The following DCC variants were observed in gnomAD, a reference collection of about 807,000 sequenced individuals.
DCC encodes netrin receptor DCC.
In DCC, 58 loss-of-function variants were observed where a neutral mutation model predicts 172.5. That is an observed-to-expected ratio of 0.34 (90% CI 0.27 to 0.42). DCC has a LOEUF of 0.42. Ranked by LOEUF, DCC falls within the 10% of genes least tolerant of loss-of-function variation. The pLI, the probability that DCC is intolerant of heterozygous loss-of-function variation, is 1.00. For synonymous variants in DCC, 709 were observed against 644.5 expected (o/e 1.10, Z -1.52); for missense variants, 1,740 against 1,791.0 (o/e 0.97, Z 0.51).
At chr18:52,891,843 T>C (rs1047952464) in intron 2 of DCC, among the ~76,000 whole-genome samples, 11 of 152,102 alleles carry the variant, frequency 7.2e-5, no homozygotes, top group Admixed American at 7.2e-4. Context: ...CCTTGACTGC[T>C]GTTAAGTTTC....
intron 1 of DCC, among the ~76,000 whole-genome samples, chr18:52,695,113 G>T (rs376356920): frequency 6.6e-5 from 10 of 152,088 alleles, no homozygotes; most frequent in African/African-American, 2.4e-4. Flanking sequence ...AATTTCGTAG[G>T]TCTCTTTTCT....
chr18:53,015,984 T>A (rs2041803307), intron 5 of DCC, among the ~76,000 whole-genome samples: 1 of 152,264 alleles, frequency 6.6e-6, no homozygotes, highest in Non-Finnish European at 1.5e-5. Context: ...AGTATAAGAA[T>A]CCACATAATC....
intron 1 of DCC, among the ~76,000 whole-genome samples, chr18:52,453,771 C>A (rs907659770): frequency 6.6e-6 from 1 of 151,946 alleles, no homozygotes; most frequent in African/African-American, 2.4e-5. Flanking sequence ...TCATGATAAA[C>A]GGATTTGTCT....
At chr18:52,548,700 A>G (rs1301573322) in intron 1 of DCC, among the ~76,000 whole-genome samples, 1 of 152,116 alleles carries the variant, frequency 6.6e-6, no homozygotes, top group African/African-American at 2.4e-5. Context: ...CCCAGCCTGG[A>G]GATCCTGAGA....
At chr18:53,529,869 C>T (rs1477981947) in intron 28 of DCC, among the ~76,000 whole-genome samples, 1 of 152,140 alleles carries the variant, frequency 6.6e-6, no homozygotes, top group East Asian at 1.9e-4. Context: ...GAATTAGTGA[C>T]AGTTCACTAG....
chr18:52,786,611 G>A (rs947471066), intron 2 of DCC, among the ~76,000 whole-genome samples: 2 of 152,084 alleles, frequency 1.3e-5, no homozygotes, highest in Non-Finnish European at 1.5e-5. Flanking sequence ...GTTCCACAAG[G>A]AATCTTAGAT....
rs138103328 is a variant in DCC, at chr18:52,975,457, C to T, written c.985+50087C>T. ...GGTTGTTGTACTGATTATTTCATCA[C>T]AGCTATTAAGACTGATACCCATTAG... On this transcript the variant is annotated intron_variant, in intron 5 of 28. Transcript: ENST00000442544. 7.2e-5 allele frequency among the ~76,000 whole-genome samples: 11 copies of T among 152,278 alleles called. No homozygotes were observed. In the East Asian group the frequency reaches 7.7e-4, roughly 11 times the overall value.
intron 2 of DCC, among the ~76,000 whole-genome samples, chr18:52,905,716 G>A (rs988153226): frequency 1.3e-5 from 2 of 152,188 alleles, no homozygotes; most frequent in Non-Finnish European, 2.9e-5. Flanking sequence ...GAACTCCAAT[G>A]TGGGATTTCA....
chr18:52,908,349 G>T (rs759538656), intron 3 of DCC, among the ~76,000 whole-genome samples: 20 of 152,062 alleles, frequency 1.3e-4, no homozygotes, highest in Non-Finnish European at 2.6e-4. Context: ...CATCCGCTAG[G>T]CAATGACAGA....
chr18:52,499,371 T>C (rs1327014080), intron 1 of DCC, among the ~76,000 whole-genome samples: 1 of 152,174 alleles, frequency 6.6e-6, no homozygotes, highest in Non-Finnish European at 1.5e-5. Flanking sequence ...TACATCCAGC[T>C]TCTCTACGGA....
intron 1 of DCC, among the ~76,000 whole-genome samples, chr18:52,645,523 A>G (rs978450345): frequency 2.6e-5 from 4 of 152,210 alleles, no homozygotes; most frequent in Non-Finnish European, 5.9e-5. Context: ...AAAGATACAA[A>G]CAAAAGAAAT....
At chr18:53,429,070 T>A (rs1282912162) in intron 21 of DCC, among the ~76,000 whole-genome samples, 1 of 48,550 alleles carries the variant, frequency 2.1e-5, no homozygotes, top group African/African-American at 4.8e-5. Context: ...ATTTTATATA[T>A]AATATATATT....
intron 5 of DCC, among the ~76,000 whole-genome samples, chr18:52,943,045 CCT>C (rs1209542806): frequency 7.9e-5 from 12 of 152,028 alleles, no homozygotes; most frequent in African/African-American, 2.9e-4. Flanking sequence ...GTGATTATTT[CCT>C]CTTTGTTATT....
chr18:52,850,689 C>T (rs1040073371), intron 2 of DCC, among the ~76,000 whole-genome samples: 2 of 151,962 alleles, frequency 1.3e-5, no homozygotes, highest in Admixed American at 1.3e-4. Context: ...CACATTCACC[C>T]CCCAGTAATT....
chr18:53,345,863 T>C (rs1462769868), intron 15 of DCC, among the ~76,000 whole-genome samples: 1 of 152,124 alleles, frequency 6.6e-6, no homozygotes, highest in Non-Finnish European at 1.5e-5. Context: ...ACCATTGCAA[T>C]TTAATGTAAT....
chr18:53,512,699 G>A (rs1177558622), intron 27 of DCC, among the ~76,000 whole-genome samples: 4 of 151,792 alleles, frequency 2.6e-5, no homozygotes, highest in Admixed American at 6.6e-5. Context: ...TCAACTGGAA[G>A]AAAGGGTATC....
chr18:53,243,820 G>A (rs2056334667), intron 12 of DCC, among the ~76,000 whole-genome samples: 1 of 152,120 alleles, frequency 6.6e-6, no homozygotes, highest in South Asian at 2.1e-4. Context: ...TGATTCCTCT[G>A]AAGAAATGGA....
At chr18:52,977,581 T>C (rs2041138318) in intron 5 of DCC, among the ~76,000 whole-genome samples, 1 of 152,186 alleles carries the variant, frequency 6.6e-6, no homozygotes, top group South Asian at 2.1e-4. Context: ...CTATTAGTGA[T>C]GCTTTCAAGA....
intron 1 of DCC, among the ~76,000 whole-genome samples, chr18:52,650,558 T>A (rs1026139882): frequency 2.0e-5 from 3 of 151,916 alleles, no homozygotes; most frequent in African/African-American, 4.8e-5. Flanking sequence ...TTTGGTTTTG[T>A]TTGTTTGTTT....
Sources: gnomAD v4.1 joint callset for allele counts (sites outside exome capture counted in the v4.1 genomes callset) on GRCh38, gnomAD v4.1.1 for gene constraint, MANE v1.5 for transcripts, NCBI Gene and HGNC (gene_info 2026-07-23, HGNC 2026-07-21) for gene names.